ASMTL: variants seen among roughly 807,000 people sequenced by gnomAD.
ASMTL encodes the protein acetylserotonin O-methyltransferase like, also known as probable bifunctional dTTP/UTP pyrophosphatase/methyltransferase protein.
A neutral mutation model predicts 60.3 loss-of-function variants in ASMTL; 57 were observed. The observed-to-expected ratio is 0.95, with a 90% CI of 0.76 to 1.18. ASMTL has a LOEUF of 1.18. ASMTL is among the 50% of genes most tolerant of loss of function. ASMTL has a pLI of 0.00. For synonymous variants in ASMTL, 419 were observed against 373.0 expected, an observed-to-expected ratio of 1.12 and a Z score of -1.42; for missense variants, 981 against 852.6, an observed-to-expected ratio of 1.15 and a Z score of -1.88.
Position 1,421,660 on chromosome X carries a change from G to C in ASMTL, c.1243C>G (p.Gln415Glu). 1 of 1,613,894 alleles carries C rather than the reference G, an allele frequency of 6.2e-7. No homozygotes were observed. The highest frequency in any genetic ancestry group is 8.5e-7 in the Non-Finnish European group (1 of 1,179,836). Residue 415 changes from glutamine to glutamate, a missense_variant and splice_region_variant, in exon 9 of 13, where the codon CAG (glutamine) becomes GAG (glutamate). Coordinates refer to ENST00000381317, the MANE Select transcript of ASMTL (RefSeq NM_004192.4). ...TGTCCGCGGGGGTGTTATGCTACCT[G>C]GAACAGATCTTCCGCCTTCTTCCCC... ...ALGKKAEDLFQDAYYQSPETR... is the reference protein window; with the variant it reads ...ALGKKAEDLFEDAYYQSPETR...
chrX:1,405,583 G>T (rs1309384276), intron 12 of ASMTL, among the ~76,000 whole-genome samples: 1 of 151,598 alleles, frequency 6.6e-6, no homozygotes, highest in Non-Finnish European at 1.5e-5. Context: ...GAGATGGATG[G>T]ATGGGTGAAT....
At chrX:1,416,981 G>C (rs1377355610) in intron 11 of ASMTL, among the ~76,000 whole-genome samples, 2 of 150,078 alleles carry the variant, frequency 1.3e-5, no homozygotes, top group Non-Finnish European at 3.0e-5. Flanking sequence ...CGCATGCAAG[G>C]ACATACCACA....
intron 1 of ASMTL, among the ~76,000 whole-genome samples, chrX:1,446,807 G>A (rs1231526569): frequency 6.6e-6 from 1 of 152,078 alleles, no homozygotes; most frequent in Non-Finnish European, 1.5e-5. Flanking sequence ...CCCATAATTT[G>A]TCTTTTAATA....
chrX:1,415,418 T>G (rs2090204250), intron 11 of ASMTL, among the ~76,000 whole-genome samples: 1 of 151,570 alleles, frequency 6.6e-6, no homozygotes, highest in Non-Finnish European at 1.5e-5. Context: ...TGATGATAAC[T>G]TCACACAGTC....
intron 5 of ASMTL, among the ~76,000 whole-genome samples, chrX:1,433,144 G>C (rs181098000): frequency 1.3e-5 from 2 of 151,894 alleles, no homozygotes; most frequent in Non-Finnish European, 2.9e-5. Context: ...TGTGCCTCAG[G>C]GTCCGGACAC....
rs763599903 is a variant in ASMTL, at chrX:1,428,129, G to A, written c.510-8C>T. 6.9e-6 allele frequency: 11 copies of A among 1,596,910 alleles called. No individual in the cohort carries two copies. Among genetic ancestry groups the A allele is most frequent in the Non-Finnish European group, 8.6e-6 (10 of 1,167,942 alleles). On this transcript the variant is annotated splice_region_variant and splice_polypyrimidine_tract_variant and intron_variant, in intron 6 of 12. Coordinates refer to ENST00000381317, the MANE Select transcript of ASMTL (RefSeq NM_004192.4). ...TAGCCGCCAGCTTTGTCCCTGGGTG[G>A]GCAGGGGAAGGTAAGAGGTGACAAG...
chrX:1,435,544 T>TGCATAGCTCAGACA, intron 4 of ASMTL, 150 bp downstream of exon 4: 1 of 721,794 alleles, frequency 1.4e-6, no homozygotes, highest in Non-Finnish European at 2.4e-6. Context: ...CCTGCCTCCC[T>TGCATAGCTCAGACA]GCATAGCTCA....
chrX:1,433,501 T>TAA (rs35959333), intron 5 of ASMTL, among the ~76,000 whole-genome samples: 17,537 of 98,942 alleles, frequency 0.18, 1,966 homozygotes, highest in Middle Eastern at 0.24. Context: ...CCGTCTCTAC[T>TAA]AAAAAAAAAA....
chrX:1,405,255 G>A (rs1321715195), intron 12 of ASMTL, among the ~76,000 whole-genome samples: 2 of 142,142 alleles, frequency 1.4e-5, no homozygotes, highest in African/African-American at 4.9e-5. Flanking sequence ...GATGGTAGAT[G>A]ATGGGTACGT....
chrX:1,425,350 CCTCT>C (rs2090588829), intron 8 of ASMTL, 171 bp downstream of exon 8: 2 of 297,054 alleles, frequency 6.7e-6, no homozygotes, highest in Non-Finnish European at 1.0e-5. Flanking sequence ...GCCACTGTTC[CCTCT>C]CTGTCATTCA....
chrX:1,411,812 T>C (rs1329494644), intron 12 of ASMTL, among the ~76,000 whole-genome samples: 3 of 104,058 alleles, frequency 2.9e-5, no homozygotes, highest in South Asian at 3.0e-4. Context: ...TTTTCTTTTT[T>C]TTTTTTTTTT....
At chrX:1,413,151 T>C in intron 11 of ASMTL, 1 of 399,140 alleles carries the variant, frequency 2.5e-6, no homozygotes. Context: ...TTGTCTGAGC[T>C]CAGGAGTTCG....
At chrX:1,420,504 G>A (rs1465322204) in intron 9 of ASMTL, among the ~76,000 whole-genome samples, 7 of 152,192 alleles carry the variant, frequency 4.6e-5, no homozygotes, top group African/African-American at 9.6e-5. Flanking sequence ...ACAGAAGCTC[G>A]GCCAGCGCTG....
rs747597104 is a variant in ASMTL at position 1,412,606 on chromosome X, G to A, written c.1645+126C>T. On this transcript the variant is annotated intron_variant, in intron 12 of 12. Transcript: ENST00000381317. ...TGAAACTCCTGACCTCAGGTGATCC[G>A]CCCGCCTCGGCCTCCCAAAGCGCTG... 7.2e-5 allele frequency: 93 copies of A among 1,289,194 alleles called. 1 individual carries two copies. The South Asian group carries it at 7.6e-4, about 10-fold the overall frequency. The allele number at this position is 1,289,194 out of a possible 1,614,324, so 79.9% of individuals were successfully genotyped here.
intron 11 of ASMTL, among the ~76,000 whole-genome samples, chrX:1,416,480 TAC>T (rs1335337879): frequency 1.5e-5 from 2 of 136,436 alleles, no homozygotes. Context: ...CACATGGACA[TAC>T]AGATACAGCG....
chrX:1,448,109 A>G (rs1224623342), intron 1 of ASMTL, among the ~76,000 whole-genome samples: 1 of 149,606 alleles, frequency 6.7e-6, no homozygotes, highest in Non-Finnish European at 1.5e-5. Context: ...GATAAGCACC[A>G]CCATCTTGGA....
chrX:1,418,651 C>T lies in ASMTL; in HGVS notation c.1378+331G>A, dbSNP rs762805029. Among the ~76,000 whole-genome samples, 16 of 152,202 alleles carry T rather than the reference C, an allele frequency of 1.1e-4. 1 individual carries two copies. Among genetic ancestry groups the T allele is most frequent in the East Asian group, 3.9e-4 (2 of 5,168 alleles). On this transcript the variant is annotated intron_variant, in intron 10 of 12. Transcript: ENST00000381317. ...AGCCCTTGGGAATGTGTCTACTGCT[C>T]CACCCACTGTCCAGGGCTGGGGTGG...
chrX:1,453,271 C>A (rs868287282), upstream of ASMTL, among the ~76,000 whole-genome samples: 1,810 of 151,374 alleles, frequency 0.012, 33 homozygotes, highest in African/African-American at 0.041. Context: ...CCTCCTTGCC[C>A]TCTCCGCCAG....
chrX:1,428,305 A>T, intron 6 of ASMTL, 184 bp from the exon 7 acceptor site: 1 of 247,614 alleles, frequency 4.0e-6, no homozygotes, highest in Non-Finnish European at 6.1e-6. Flanking sequence ...GCGTGGGGGC[A>T]GGCGCCTTTG....
Sources: gnomAD v4.1 joint callset for allele counts (sites outside exome capture counted in the v4.1 genomes callset) on GRCh38, gnomAD v4.1.1 for gene constraint, MANE v1.5 for transcripts, NCBI Gene and HGNC (gene_info 2026-07-23, HGNC 2026-07-21) for gene names.